The following VIPR2 variants were observed in gnomAD, a reference collection of about 807,000 sequenced individuals.
VIPR2 encodes vasoactive intestinal peptide receptor 2.
A neutral mutation model predicts 58.0 loss-of-function variants in VIPR2; 48 were observed. That is an observed-to-expected ratio of 0.83 (90% confidence interval 0.66 to 1.05). The LOEUF is 1.05. VIPR2 is among the 50% of genes least tolerant of loss of function. The probability of loss-of-function intolerance (pLI) is 0.00; values close to 1 mark genes in which losing one functional copy is unlikely to be tolerated. For missense variants in VIPR2, 534 were observed against 558.0 expected, an observed-to-expected ratio of 0.96 and a Z score of 0.43; for synonymous variants, 243 against 235.2, an observed-to-expected ratio of 1.03 and a Z score of -0.30.
At position 159,099,818 on chromosome 7, in the gene VIPR2, A is replaced by G. The variant is rs954311563; in HGVS notation, c.357+3939T>C. Among the ~76,000 whole-genome samples, 6 of 152,014 alleles carry G rather than the reference A, an allele frequency of 3.9e-5. No individual in the cohort carries two copies. The highest frequency in any genetic ancestry group is 9.7e-5 in the African/African-American group (4 of 41,386). ...GAGACCCCTGGCTGCTCCCTTTCCT[A>G]TGGAAGCCTGGGGCAGATGGTATTA... On this transcript the variant is annotated intron_variant, in intron 4 of 12. Coordinates refer to ENST00000262178, the MANE Select transcript of VIPR2 (RefSeq NM_003382.5). This position sits in a 1 kb window ranked among gnomAD's most constrained non-coding sequence, Gnocchi z 4.2.
intron 2 of VIPR2, among the ~76,000 whole-genome samples, chr7:159,136,847 A>G (rs901895897): frequency 6.6e-6 from 1 of 152,188 alleles, no homozygotes; most frequent in Admixed American, 6.5e-5. Context: ...CATGTGGAGA[A>G]GCAGCCGCCA....
rs979244243 is a variant in VIPR2, at chr7:159,099,805, T to A, written c.357+3952A>T. Among the ~76,000 whole-genome samples the A allele has an allele frequency of 5.3e-5, 8 of 152,120 alleles. No individual in the cohort carries two copies. Among genetic ancestry groups the A allele is most frequent in the Non-Finnish European group, 1.0e-4 (7 of 68,008 alleles). On this transcript the variant is annotated intron_variant, in intron 4 of 12. Transcript: ENST00000262178. This position sits in a 1 kb window ranked among gnomAD's most constrained non-coding sequence, Gnocchi z 4.2. ...CACAGAAGCCCCTGAGACCCCTGGC[T>A]GCTCCCTTTCCTATGGAAGCCTGGG... is the stretch of plus-strand genomic sequence containing the variant.
intron 2 of VIPR2, among the ~76,000 whole-genome samples, chr7:159,111,865 G>T (rs773050332): frequency 9.2e-5 from 14 of 151,948 alleles, no homozygotes; most frequent in Non-Finnish European, 2.1e-4. Flanking sequence ...TTAAAAATTC[G>T]CTGGAGGTAA....
Position 159,098,092 on chromosome 7 carries a change from C to T in VIPR2, c.357+5665G>A, listed in dbSNP as rs890406861. On this transcript the variant is annotated intron_variant, in intron 4 of 12. Coordinates refer to ENST00000262178, the MANE Select transcript of VIPR2 (RefSeq NM_003382.5). The surrounding 1 kb of genome is among the most constrained non-coding windows in gnomAD (Gnocchi z 5.2). ...CGGAATCCCCAGCCTCACACCAGCC[C>T]GGCCACTGCCGCTCCCGTCCTCTGC... Among the ~76,000 whole-genome samples the T allele has an allele frequency of 1.3e-5, 2 of 152,200 alleles. No homozygotes were observed. The highest frequency in any genetic ancestry group is 6.5e-5 in the Admixed American group (1 of 15,286).
chr7:159,058,166 A>C (rs1487327199), intron 5 of VIPR2, among the ~76,000 whole-genome samples: 1 of 152,212 alleles, frequency 6.6e-6, no homozygotes, highest in Non-Finnish European at 1.5e-5. Flanking sequence ...GCCAAAACAC[A>C]GGAGCTTCTG....
At position 159,032,075 on chromosome 7, in the gene VIPR2, G is replaced by C. The variant is rs1213459397; in HGVS notation, c.972-8C>G. 6 of 1,613,610 alleles carry C rather than the reference G, an allele frequency of 3.7e-6. No homozygotes were observed. The highest frequency in any genetic ancestry group is 1.7e-5 in the Admixed American group (1 of 60,024). ...GTGGACTTGGCCAGCCTCCTGCACA[G>C]AAGGAGATGAGCCAGCTCAGCTGCT... is the stretch of plus-strand genomic sequence containing the variant. On this transcript the variant is annotated splice_region_variant and splice_polypyrimidine_tract_variant and intron_variant, in intron 10 of 12. Transcript: ENST00000262178.
At chr7:159,059,485 A>T in intron 4 of VIPR2, 1 of 373,234 alleles carries the variant, frequency 2.7e-6, no homozygotes, top group Admixed American at 3.5e-5. Context: ...ATTTAAGGCA[A>T]AACTCAGAAA....
intron 4 of VIPR2, among the ~76,000 whole-genome samples, chr7:159,069,837 G>T (rs980005430): frequency 3.9e-5 from 6 of 152,124 alleles, no homozygotes; most frequent in Non-Finnish European, 7.3e-5. Context: ...CATTTTAAAT[G>T]CATTTATTTC....
chr7:159,143,706 A>G (rs1797568133), intron 1 of VIPR2, among the ~76,000 whole-genome samples: 1 of 152,260 alleles, frequency 6.6e-6, no homozygotes, highest in Non-Finnish European at 1.5e-5. Flanking sequence ...ATTGATGTAA[A>G]AAGAAAAACT....
intron 2 of VIPR2, among the ~76,000 whole-genome samples, chr7:159,132,945 A>ATTGATTTTAGACAGAATGATTGGCATACC (rs2129497665): frequency 1.5e-5 from 1 of 65,960 alleles, no homozygotes; most frequent in East Asian, 5.3e-4. Flanking sequence ...ATTGGCATAC[A>ATTGATTTTAGACAGAATGATTGGCATACC]GATTGATTTC....
chr7:159,043,230 A>T, intron 5 of VIPR2, 54 bp from the exon 6 acceptor site: 1 of 1,458,814 alleles, frequency 6.9e-7, no homozygotes, highest in Non-Finnish European at 9.4e-7. Flanking sequence ...GGAGGGAGGG[A>T]GAGAGAACCA....
Position 159,054,769 on chromosome 7 carries a change from AATTTATTTTTAAT to A in VIPR2, c.455+3699_455+3711del, listed in dbSNP as rs1855208243. Among the ~76,000 whole-genome samples, 8 of 152,248 alleles carry A rather than the reference AATTTATTTTTAAT, an allele frequency of 5.3e-5. 1 individual carries two copies. The South Asian group carries it at 1.7e-3, about 32-fold the overall frequency. On this transcript the variant is annotated intron_variant, in intron 5 of 12. Coordinates refer to ENST00000262178, the MANE Select transcript of VIPR2 (RefSeq NM_003382.5). Reference sequence around the variant, plus strand: ...ACTTGGCAGCATTCATTTTTTAATAAATTTATTTTTAATGGACACACGGTAACTGTACATATTT... The same window carrying A: ...ACTTGGCAGCATTCATTTTTTAATAAGGACACACGGTAACTGTACATATTT...
intron 5 of VIPR2, among the ~76,000 whole-genome samples, chr7:159,047,008 G>A (rs748517553): frequency 1.3e-5 from 2 of 152,188 alleles, no homozygotes; most frequent in African/African-American, 2.4e-5. Flanking sequence ...GCCGAGGCAC[G>A]TGGATCACCT....
At chr7:159,140,138 C>T (rs1217957618) in intron 2 of VIPR2, among the ~76,000 whole-genome samples, 1 of 152,044 alleles carries the variant, frequency 6.6e-6, no homozygotes, top group East Asian at 1.9e-4. Flanking sequence ...ATCAGACTTA[C>T]ACAAATTACC....
intron 4 of VIPR2, chr7:159,059,083 T>A (rs1855486816): frequency 2.7e-6 from 1 of 368,286 alleles, no homozygotes; most frequent in Non-Finnish European, 5.4e-6. Context: ...GGGAATTTTA[T>A]TTCCTTAACA....
chr7:159,034,712 G>A (rs1853818196), intron 8 of VIPR2, 62 bp from the exon 9 acceptor site: 3 of 1,413,730 alleles, frequency 2.1e-6, no homozygotes, highest in Non-Finnish European at 2.0e-6. Context: ...AGGTACAGAA[G>A]AATGAGCGCC....
intron 3 of VIPR2, among the ~76,000 whole-genome samples, chr7:159,107,763 G>A (rs564145421): frequency 1.3e-5 from 2 of 152,318 alleles, no homozygotes; most frequent in East Asian, 3.9e-4. Flanking sequence ...GCAGGGCAGG[G>A]GTTAGGACCT....
intron 5 of VIPR2, among the ~76,000 whole-genome samples, chr7:159,046,967 G>C (rs1003273448): frequency 5.9e-5 from 9 of 152,212 alleles, no homozygotes; most frequent in Non-Finnish European, 1.3e-4. Context: ...GGGCGCGGTG[G>C]CTCATGCCTG....
At chr7:159,144,269 C>T (rs1797595460) in intron 1 of VIPR2, 1 of 1,342,400 alleles carries the variant, frequency 7.4e-7, no homozygotes, top group Non-Finnish European at 9.6e-7. Flanking sequence ...ATTTAACCGA[C>T]GCCACGTCCC....
Sources: gnomAD v4.1 joint callset for allele counts (sites outside exome capture counted in the v4.1 genomes callset) on GRCh38, gnomAD v4.1.1 for gene constraint, Gnocchi (gnomAD v3.1) non-coding constraint, MANE v1.5 for transcripts, NCBI Gene and HGNC (gene_info 2026-07-23, HGNC 2026-07-21) for gene names.